Variants in CLCN3 observed in about 807,000 individuals in gnomAD.
CLCN3 encodes H(+)/Cl(-) exchange transporter 3.
CLCN3 carries 16 observed loss-of-function variants against 83.4 expected under a neutral mutation model. The observed-to-expected ratio is 0.19, with a 90% CI of 0.13 to 0.29. The LOEUF is 0.29. Ranked by LOEUF, CLCN3 falls within the 10% of genes least tolerant of loss-of-function variation. CLCN3 has a pLI of 1.00. For synonymous variants in CLCN3, 322 were observed against 346.2 expected (o/e 0.93, Z 0.78); for missense variants, 544 against 1,006.0 (o/e 0.54, Z 6.21).
rs1202692411 is a variant in CLCN3 at position 169,665,782 on chromosome 4, C to T, written c.161-14268C>T. Among the ~76,000 whole-genome samples, 7 of 152,150 alleles carry T rather than the reference C, an allele frequency of 4.6e-5. No homozygotes were observed. In the East Asian group the frequency reaches 7.7e-4, roughly 17 times the overall value. ...TAATCTGCATTATGAACTTAAATGA[C>T]GAGGATCACCATTTCACATCTTTGG... On this transcript the variant is annotated intron_variant, in intron 2 of 12. Coordinates refer to ENST00000513761, the MANE Select transcript of CLCN3 (RefSeq NM_001829.4).
Position 169,712,391 on chromosome 4 carries a change from G to A in CLCN3, c.2150-688G>A, listed in dbSNP as rs1390041874. Among the ~76,000 whole-genome samples the A allele has an allele frequency of 4.0e-5, 6 of 151,218 alleles. No homozygotes were observed. In the South Asian group the frequency reaches 6.3e-4, roughly 16 times the overall value. On this transcript the variant is annotated intron_variant, in intron 11 of 12. Transcript: ENST00000513761. ...AGATTTTTTTTTTAGTTCTTTCAACGGTGGAGTGGAAGTAGGCAGCAGGAC... is the reference window on the plus strand; with the variant it reads ...AGATTTTTTTTTTAGTTCTTTCAACAGTGGAGTGGAAGTAGGCAGCAGGAC...
At chr4:169,642,629 C>T (rs1227011525) in intron 2 of CLCN3, 1 of 152,446 alleles carries the variant, frequency 6.6e-6, no homozygotes, top group African/African-American at 2.4e-5. Context: ...AGCCATCCTC[C>T]CACCTCAGCC....
At chr4:169,684,452 GTTA>G (rs1288060807) in intron 3 of CLCN3, among the ~76,000 whole-genome samples, 3 of 152,112 alleles carry the variant, frequency 2.0e-5, no homozygotes, top group Non-Finnish European at 4.4e-5. Context: ...AATCATCACT[GTTA>G]TTATTCTTAT....
chr4:169,684,258 A>G (rs372628271), intron 3 of CLCN3, among the ~76,000 whole-genome samples: 3 of 152,134 alleles, frequency 2.0e-5, no homozygotes, highest in South Asian at 2.1e-4. Flanking sequence ...GCATATTTCT[A>G]TAGAGAGTTT....
At chr4:169,710,483 T>A (rs898141075) in intron 11 of CLCN3, among the ~76,000 whole-genome samples, 8 of 152,090 alleles carry the variant, frequency 5.3e-5, no homozygotes, top group Admixed American at 1.3e-4. Flanking sequence ...CCAGGCTGGT[T>A]TCAAGCTCCT....
intron 1 of CLCN3, among the ~76,000 whole-genome samples, chr4:169,626,057 C>T (rs1773226427): frequency 1.3e-5 from 2 of 152,180 alleles, no homozygotes; most frequent in African/African-American, 4.8e-5. Flanking sequence ...AATCGCAAGC[C>T]CCAGGTTATT....
intron 5 of CLCN3, 129 bp downstream of exon 5, chr4:169,689,359 T>C: frequency 4.3e-6 from 3 of 691,470 alleles, no homozygotes; most frequent in Middle Eastern, 7.6e-4. Flanking sequence ...CCTCAACACA[T>C]TGCAGCAAGA....
rs1733591548 is a variant in CLCN3 at position 169,720,398 on chromosome 4, G to T, written c.*401G>T. ...CATTATCAGTCCCTATTTCTAGAGG[G>T]ATTACTTTGAATTGAGCCATCTATA... On this transcript the variant is annotated 3_prime_UTR_variant, in exon 13 of 13. Coordinates refer to ENST00000513761, the MANE Select transcript of CLCN3 (RefSeq NM_001829.4). 1 of 195,022 alleles carries T rather than the reference G, an allele frequency of 5.1e-6. No individual in the cohort carries two copies. 12.1% of individuals were successfully genotyped at this position (195,022 alleles called of 1,614,324 possible).
intron 2 of CLCN3, among the ~76,000 whole-genome samples, chr4:169,662,224 G>T (rs991433258): frequency 2.0e-5 from 3 of 152,060 alleles, no homozygotes; most frequent in African/African-American, 7.2e-5. Context: ...TCTTGCTTAG[G>T]ATCTAAATCA....
chr4:169,672,218 A>G (rs371995680), intron 2 of CLCN3, among the ~76,000 whole-genome samples: 12,144 of 131,322 alleles, frequency 0.092, 548 homozygotes, highest in African/African-American at 0.16. Flanking sequence ...TCTCAAAATA[A>G]ATGATAGATA....
chr4:169,690,629 G>A lies in CLCN3; in HGVS notation c.706G>A (p.Ala236Thr), dbSNP rs1207853975. The A allele has an allele frequency of 6.2e-7, 1 of 1,612,682 alleles. No homozygotes were observed. The highest frequency in any genetic ancestry group is 1.1e-5 in the South Asian group (1 of 90,872). Residue 236 changes from alanine (A) to threonine (T), a missense_variant, in exon 6 of 13, where the codon GCC becomes ACC. This residue lies in a region of CLCN3 where 96 missense variants were observed against 202.1 expected (regional missense o/e 0.48). Transcript: ENST00000513761. ...CCTGGTAAAGGTATTTGCTCCATAT[G>A]CCTGTGGCTCTGGAATTCCAGAGGT... is the stretch of plus-strand genomic sequence containing the variant. ...VSLVKVFAPYACGSGIPEIKT... is the reference protein window; with the variant it reads ...VSLVKVFAPYTCGSGIPEIKT...
At position 169,687,360 on chromosome 4, in the gene CLCN3, C is replaced by A. The variant is rs1353810180; in HGVS notation, c.319-298C>A. On this transcript the variant is annotated intron_variant, in intron 3 of 12. Coordinates refer to ENST00000513761, the MANE Select transcript of CLCN3 (RefSeq NM_001829.4). ...CTTTGGGAGCCCAAGGCAGGTAGAT[C>A]ATTTGAGCTCAGAAGTTCAAGACCA... is the stretch of plus-strand genomic sequence containing the variant. 2.0e-5 allele frequency among the ~76,000 whole-genome samples: 3 copies of A among 152,074 alleles called. No homozygotes were observed. The East Asian group carries it at 5.8e-4, about 29-fold the overall frequency.
chr4:169,707,310 C>T (rs750748176), intron 11 of CLCN3, 44 bp downstream of exon 11: 1 of 1,446,074 alleles, frequency 6.9e-7, no homozygotes. Flanking sequence ...AGATGGATTT[C>T]TGGAAGAAAG....
At chr4:169,688,921 G>A in intron 4 of CLCN3, 122 bp from the exon 5 acceptor site, 1 of 673,990 alleles carries the variant, frequency 1.5e-6, no homozygotes, top group Non-Finnish European at 2.5e-6. Context: ...AAATTTATAT[G>A]TAGTTCATAA....
chr4:169,688,872 A>G (rs1432192324), intron 4 of CLCN3, among the ~76,000 whole-genome samples, 171 bp from the exon 5 acceptor site: 2 of 152,234 alleles, frequency 1.3e-5, no homozygotes, highest in Non-Finnish European at 2.9e-5. Flanking sequence ...ATTGTAAAAA[A>G]TAACTCTTTA....
At chr4:169,678,258 G>A (rs1731760100) in intron 2 of CLCN3, among the ~76,000 whole-genome samples, 5 of 151,994 alleles carry the variant, frequency 3.3e-5, no homozygotes, top group Admixed American at 2.6e-4. Flanking sequence ...AAAATTCTCC[G>A]CAGCGTCAGG....
In CLCN3 at chr4:169,692,988, A is replaced by G. The variant is rs114407093; in HGVS notation, c.936+668A>G. Among the ~76,000 whole-genome samples, 1,102 of 152,230 alleles carry G rather than the reference A, an allele frequency of 7.2e-3. 12 individuals are homozygous for G. The highest frequency in any genetic ancestry group is 0.025 in the African/African-American group (1,058 of 41,522). On this transcript the variant is annotated intron_variant, in intron 7 of 12. Coordinates refer to ENST00000513761, the MANE Select transcript of CLCN3 (RefSeq NM_001829.4). ...CTGGGCATTTTCCTGAATCCTTTAT[A>G]TTAGCTCTAGACTTTGGGAGCCCAG... is the stretch of plus-strand genomic sequence containing the variant.
At chr4:169,688,480 T>C (rs1476736290) in intron 4 of CLCN3, among the ~76,000 whole-genome samples, 4 of 152,218 alleles carry the variant, frequency 2.6e-5, no homozygotes, top group Non-Finnish European at 5.9e-5. Flanking sequence ...TAATTCTAAT[T>C]GGCATGCATA....
At chr4:169,700,558 G>A (rs1732746687) in intron 9 of CLCN3, among the ~76,000 whole-genome samples, 1 of 151,918 alleles carries the variant, frequency 6.6e-6, no homozygotes, top group Non-Finnish European at 1.5e-5. Context: ...CACTGAACCT[G>A]GCCTCTTTCA....
Sources: allele counts gnomAD v4.1 joint callset (sites outside exome capture counted in the v4.1 genomes callset), GRCh38; gene constraint gnomAD v4.1.1; regional missense constraint gnomAD v4.1.1; transcripts MANE v1.5; gene names NCBI Gene and HGNC (gene_info 2026-07-23, HGNC 2026-07-21).